Variants in DLGAP1 observed in about 807,000 individuals in gnomAD.
The protein encoded by DLGAP1 is DLG associated protein 1, also known as disks large-associated protein 1.
A neutral mutation model predicts 90.8 loss-of-function variants in DLGAP1; 11 were observed. The observed-to-expected ratio is 0.12, with a 90% CI of 0.08 to 0.20. The LOEUF (loss-of-function observed/expected upper bound fraction) is 0.20. Among genes scored for constraint, DLGAP1 ranks in the 10% least tolerant of loss-of-function variants. The pLI is 1.00. For synonymous variants in DLGAP1, 558 were observed against 540.7 expected, an observed-to-expected ratio of 1.03 and a Z score of -0.44; for missense variants, 1,050 against 1,333.8, an observed-to-expected ratio of 0.79 and a Z score of 3.31.
intron 3 of DLGAP1, among the ~76,000 whole-genome samples, chr18:3,935,666 T>C (rs1449185870): frequency 1.3e-5 from 2 of 152,154 alleles, no homozygotes; most frequent in African/African-American, 4.8e-5. Flanking sequence ...GTAATACAAA[T>C]GACATAATAG....
intron 7 of DLGAP1, among the ~76,000 whole-genome samples, chr18:3,583,839 T>C (rs1392416345): frequency 1.3e-5 from 2 of 152,100 alleles, no homozygotes; most frequent in Non-Finnish European, 2.9e-5. Context: ...TCCCAGCCAC[T>C]TGGGAGACTG....
intron 1 of DLGAP1, among the ~76,000 whole-genome samples, chr18:4,375,431 T>G (rs2081996088): frequency 6.6e-6 from 1 of 152,150 alleles, no homozygotes; most frequent in South Asian, 2.1e-4. Context: ...ATATTCTGTC[T>G]TTTATTTGCT....
intron 1 of DLGAP1, among the ~76,000 whole-genome samples, chr18:4,328,097 C>A (rs569266311): frequency 6.7e-6 from 1 of 150,128 alleles, no homozygotes; most frequent in Non-Finnish European, 1.5e-5. Flanking sequence ...AGGGCCCTTT[C>A]TTTCCTCCCC....
rs185467269 is a variant in DLGAP1 at position 4,191,079 on chromosome 18, T to G, written c.-266-39792A>C. Among the ~76,000 whole-genome samples the G allele has an allele frequency of 7.1e-3, 1,087 of 152,184 alleles. 5 individuals are homozygous for G. The highest frequency in any genetic ancestry group is 0.012 in the Non-Finnish European group (811 of 67,978). On this transcript the variant is annotated intron_variant, in intron 1 of 12. Transcript: ENST00000315677. Reference sequence around the variant, plus strand: ...ACCCTCTTACCAAAAGTTGCAAAAATTTTTTTCATTCATGGACGTATACCT... The same window carrying G: ...ACCCTCTTACCAAAAGTTGCAAAAAGTTTTTTCATTCATGGACGTATACCT...
intron 7 of DLGAP1, among the ~76,000 whole-genome samples, chr18:3,682,251 C>T (rs1382755425): frequency 1.3e-5 from 2 of 152,168 alleles, no homozygotes; most frequent in Non-Finnish European, 1.5e-5. Context: ...GATGCACCTG[C>T]CCCCTCTTCA....
At chr18:4,214,152 T>G (rs1464291489) in intron 1 of DLGAP1, among the ~76,000 whole-genome samples, 1 of 152,022 alleles carries the variant, frequency 6.6e-6, no homozygotes, top group African/African-American at 2.4e-5. Flanking sequence ...AAGATAGACA[T>G]GTCTAAACCT....
At chr18:3,686,708 T>C (rs1466199399) in intron 7 of DLGAP1, among the ~76,000 whole-genome samples, 1 of 152,148 alleles carries the variant, frequency 6.6e-6, no homozygotes, top group Non-Finnish European at 1.5e-5. Flanking sequence ...GTAGGGTGCA[T>C]ACCACATGCC....
At chr18:4,103,557 A>G (rs1465715670) in intron 2 of DLGAP1, among the ~76,000 whole-genome samples, 1 of 152,164 alleles carries the variant, frequency 6.6e-6, no homozygotes, top group African/African-American at 2.4e-5. Flanking sequence ...AATATCTTAA[A>G]TAATAGAAGT....
chr18:4,105,074 G>A (rs1013990041), intron 2 of DLGAP1, among the ~76,000 whole-genome samples: 2 of 152,192 alleles, frequency 1.3e-5, no homozygotes, highest in Non-Finnish European at 2.9e-5. Flanking sequence ...ACACAGAGAT[G>A]AGTCAAACAA....
chr18:3,802,196 G>A (rs2066335310), intron 5 of DLGAP1, among the ~76,000 whole-genome samples: 1 of 151,496 alleles, frequency 6.6e-6, no homozygotes, highest in South Asian at 2.1e-4. Context: ...TATTGGCCAG[G>A]CTGGTCTTGA....
In DLGAP1 at chr18:4,273,066, TAGCCTCTAGA is replaced by T. The variant is rs541173560; in HGVS notation, c.-266-121789_-266-121780del. Among the ~76,000 whole-genome samples, 110 of 152,308 alleles carry T rather than the reference TAGCCTCTAGA, an allele frequency of 7.2e-4. 1 individual carries two copies. Among genetic ancestry groups the T allele is most frequent in the African/African-American group, 2.6e-3 (107 of 41,580 alleles). On this transcript the variant is annotated intron_variant, in intron 1 of 12. Coordinates refer to ENST00000315677, the MANE Select transcript of DLGAP1 (RefSeq NM_004746.4). ...TGCCAGCACCTTGACTTTGAACTTC[TAGCCTCTAGA>T]ACTGTAAGAGGATAAATTTCTGTTG...
At chr18:3,600,895 T>TATATATAGATAGATGTATATAG (rs2056940014) in intron 7 of DLGAP1, among the ~76,000 whole-genome samples, 1 of 100,402 alleles carries the variant, frequency 1.0e-5, no homozygotes, top group African/African-American at 4.4e-5. Context: ...GATATATAGA[T>TATATATAGATAGATGTATATAG]ATATATAGAT....
chr18:4,436,812 A>G (rs551928078), intron 1 of DLGAP1, among the ~76,000 whole-genome samples: 3 of 152,256 alleles, frequency 2.0e-5, no homozygotes, highest in East Asian at 3.9e-4. Flanking sequence ...AGGGGTTAAT[A>G]TTTTTCATTG....
chr18:4,153,717 C>A (rs945378041), intron 1 of DLGAP1, among the ~76,000 whole-genome samples: 1 of 152,188 alleles, frequency 6.6e-6, no homozygotes, highest in Non-Finnish European at 1.5e-5. Flanking sequence ...TTGATTCAAT[C>A]ATGTGCTTCC....
chr18:4,125,301 A>G (rs1248031065), intron 2 of DLGAP1, among the ~76,000 whole-genome samples: 1 of 152,224 alleles, frequency 6.6e-6, no homozygotes, highest in Non-Finnish European at 1.5e-5. Context: ...CCTCCAGCCC[A>G]GCCTAGCAGT....
At chr18:4,384,325 C>T in intron 1 of DLGAP1, among the ~76,000 whole-genome samples, 1 of 152,074 alleles carries the variant, frequency 6.6e-6, no homozygotes, top group Non-Finnish European at 1.5e-5. Flanking sequence ...ATTTATTAGA[C>T]TAGCACCTGG....
intron 5 of DLGAP1, among the ~76,000 whole-genome samples, chr18:3,790,795 G>C (rs1436879190): frequency 1.3e-5 from 2 of 152,170 alleles, no homozygotes; most frequent in Non-Finnish European, 2.9e-5. Flanking sequence ...GCAGGCAGTG[G>C]GGAAGGTTTC....
At chr18:4,145,089 A>C (rs2076562564) in intron 2 of DLGAP1, among the ~76,000 whole-genome samples, 1 of 152,140 alleles carries the variant, frequency 6.6e-6, no homozygotes. Flanking sequence ...TTCTATTGTG[A>C]AGGTCTTGGT....
intron 4 of DLGAP1, among the ~76,000 whole-genome samples, chr18:3,825,006 G>A (rs2067632636): frequency 6.6e-6 from 1 of 152,168 alleles, no homozygotes; most frequent in Non-Finnish European, 1.5e-5. Context: ...TGCCTCTTGA[G>A]GGTGTGTACT....
Sources: gnomAD v4.1 joint callset for allele counts (sites outside exome capture counted in the v4.1 genomes callset) on GRCh38, gnomAD v4.1.1 for gene constraint, MANE v1.5 for transcripts, NCBI Gene and HGNC (gene_info 2026-07-23, HGNC 2026-07-21) for gene names.